KDM6A: variants seen among roughly 807,000 people sequenced by gnomAD.
The protein encoded by KDM6A is lysine demethylase 6A.
In KDM6A, 11 loss-of-function variants were observed where a neutral mutation model predicts 117.6. The ratio of observed to expected loss-of-function variants is 0.09; its 90% CI spans 0.06 to 0.15. KDM6A has a LOEUF of 0.15. KDM6A is among the 10% of genes least tolerant of loss of function. The pLI is 1.00. For synonymous variants in KDM6A, 384 were observed against 396.1 expected (o/e 0.97, Z 0.36); for missense variants, 799 against 1,077.3 (o/e 0.74, Z 3.62).
At chrX:45,072,035 A>G (rs1284541158) in intron 18 of KDM6A, among the ~76,000 whole-genome samples, 2 of 111,773 alleles carry the variant, frequency 1.8e-5, no homozygotes, top group African/African-American at 3.3e-5. Context: ...TCTGCCTCCC[A>G]AAGTGCTGGG....
At chrX:44,962,241 T>A (rs1157048684) in intron 3 of KDM6A, among the ~76,000 whole-genome samples, 1 of 112,080 alleles carries the variant, frequency 8.9e-6, no homozygotes, top group African/African-American at 3.2e-5. Context: ...TTATGTTAGG[T>A]CAAGTGAATG....
In KDM6A at chrX:45,059,202, C is replaced by T. The variant is rs371112669; in HGVS notation, c.975-45C>T. On this transcript the variant is annotated intron_variant, in intron 11 of 29. Coordinates refer to ENST00000611820, the MANE Select transcript of KDM6A (RefSeq NM_001291415.2). ...TAGTTTAAATCATTATAAAACCAAG[C>T]AGTTCTTCTGAGTTGACTTATTTTT... 1.9e-5 allele frequency: 23 copies of T among 1,183,071 alleles called. No homozygotes were observed. In the African/African-American group the frequency reaches 3.9e-4, roughly 20 times the overall value.
chrX:44,969,234 C>T (rs2039194657), intron 3 of KDM6A, among the ~76,000 whole-genome samples: 1 of 109,778 alleles, frequency 9.1e-6, no homozygotes, highest in Non-Finnish European at 1.9e-5. Flanking sequence ...TTCTTGCATT[C>T]TTCCTTCCCT....
chrX:45,088,978 G>A (rs1280398404), intron 25 of KDM6A, among the ~76,000 whole-genome samples: 1 of 111,875 alleles, frequency 8.9e-6, no homozygotes, highest in Non-Finnish European at 1.9e-5. Flanking sequence ...CTGACATCCA[G>A]TCTCCTTTTC....
At chrX:45,036,844 C>T (rs936351758) in intron 7 of KDM6A, among the ~76,000 whole-genome samples, 2 of 112,640 alleles carry the variant, frequency 1.8e-5, no homozygotes, top group African/African-American at 6.4e-5. Flanking sequence ...TTTTATTCTA[C>T]TCTGTTTAAA....
intron 8 of KDM6A, among the ~76,000 whole-genome samples, chrX:45,046,267 CTT>C (rs1413790673): frequency 9.0e-6 from 1 of 111,729 alleles, no homozygotes; most frequent in Non-Finnish European, 1.9e-5. Context: ...TAAAAACACT[CTT>C]ATACATAGGA....
chrX:45,082,549 C>T, intron 21 of KDM6A, 27 bp from the exon 22 acceptor site: 2 of 1,084,808 alleles, frequency 1.8e-6, no homozygotes, highest in South Asian at 1.8e-5. Flanking sequence ...GAACACTAAA[C>T]TAGACTGCTT....
chrX:44,950,545 A>G (rs1439543026), intron 2 of KDM6A, among the ~76,000 whole-genome samples: 2 of 110,511 alleles, frequency 1.8e-5, no homozygotes, highest in African/African-American at 3.3e-5. Flanking sequence ...TGTTGTGTCA[A>G]TACAGCTTCT....
chrX:45,056,907 TCTA>T (rs2044095225), intron 10 of KDM6A, among the ~76,000 whole-genome samples: 1 of 111,945 alleles, frequency 8.9e-6, no homozygotes, highest in Non-Finnish European at 1.9e-5. Context: ...GAGCATGTTT[TCTA>T]CTATCTGTTA....
At chrX:44,907,532 G>A (rs1390587484) in intron 2 of KDM6A, among the ~76,000 whole-genome samples, 1 of 103,470 alleles carries the variant, frequency 9.7e-6, no homozygotes, top group Admixed American at 1.1e-4. Context: ...CCAGGCTGGA[G>A]TGCAGTGGCG....
chrX:44,929,053 C>T (rs932854866), intron 2 of KDM6A, among the ~76,000 whole-genome samples: 4 of 110,430 alleles, frequency 3.6e-5, no homozygotes, highest in African/African-American at 9.9e-5. Flanking sequence ...ACCTCAGCCT[C>T]CCGAGTAGCT....
intron 6 of KDM6A, among the ~76,000 whole-genome samples, chrX:45,033,620 C>G (rs1446132738): frequency 9.0e-6 from 1 of 110,709 alleles, no homozygotes; most frequent in South Asian, 3.9e-4. Context: ...GTGGCACACT[C>G]TTGGCTCACT....
chrX:44,887,447 T>C (rs1230109967), intron 2 of KDM6A, among the ~76,000 whole-genome samples: 1 of 111,292 alleles, frequency 9.0e-6, no homozygotes, highest in Non-Finnish European at 1.9e-5. Context: ...GAGGTGTAAA[T>C]GATGTGAGTA....
chrX:44,993,095 C>A (rs139372171), intron 4 of KDM6A, among the ~76,000 whole-genome samples: 1 of 111,081 alleles, frequency 9.0e-6, no homozygotes, highest in Non-Finnish European at 1.9e-5. Flanking sequence ...CTGGTAAGGT[C>A]AAAAAAGTGA....
At chrX:45,068,561 T>TA (rs779354016) in intron 17 of KDM6A, among the ~76,000 whole-genome samples, 735 of 70,482 alleles carry the variant, frequency 0.01, 6 homozygotes, top group South Asian at 0.027. Context: ...CCTTTTTTTT[T>TA]AAAAAAAAAA....
chrX:45,051,286 G>T (rs143414273), intron 8 of KDM6A, among the ~76,000 whole-genome samples: 1 of 111,917 alleles, frequency 8.9e-6, no homozygotes, highest in Non-Finnish European at 1.9e-5. Context: ...GGGATTACAG[G>T]TGTGAGCCAC....
chrX:45,060,650 C>T lies in KDM6A; in HGVS notation c.1371C>T (p.Gly457=), dbSNP rs778738314. 12 of 1,067,444 alleles carry T rather than the reference C, an allele frequency of 1.1e-5. No homozygotes were observed. Among genetic ancestry groups the T allele is most frequent in the Admixed American group, 2.8e-5 (1 of 35,639 alleles). 88.0% of individuals were successfully genotyped at this position (1,067,444 alleles called of 1,213,427 possible). A position where few individuals can be genotyped will look rare whatever the true frequency, so the allele number is the denominator to read the frequency against. ...PHHPNTEPVL[G]LSQTPISQQS... is the part of the protein sequence containing the mutation. ...ATCCAAATACTGAACCTGTATTAGG[C>T]CTCAGTCAAACACCAATTTCACAGC... Residue 457 remains glycine (G), a synonymous_variant, in exon 14 of 30, where the codon GGC becomes GGT. Coordinates refer to ENST00000611820, the MANE Select transcript of KDM6A (RefSeq NM_001291415.2).
At chrX:44,966,168 G>T (rs1459932188) in intron 3 of KDM6A, among the ~76,000 whole-genome samples, 1 of 109,120 alleles carries the variant, frequency 9.2e-6, no homozygotes, top group Non-Finnish European at 1.9e-5. Flanking sequence ...TTGAGACAGG[G>T]TCTTGCTTTG....
intron 18 of KDM6A, among the ~76,000 whole-genome samples, chrX:45,074,492 C>T (rs898140504): frequency 1.8e-5 from 2 of 111,877 alleles, no homozygotes; most frequent in African/African-American, 3.2e-5. Context: ...ACCATCAGTT[C>T]CTTCAGGGAA....
Sources: allele counts gnomAD v4.1 joint callset (sites outside exome capture counted in the v4.1 genomes callset), GRCh38; gene constraint gnomAD v4.1.1; transcripts MANE v1.5; gene names NCBI Gene and HGNC (gene_info 2026-07-23, HGNC 2026-07-21).